Variants in RYR2 observed in about 807,000 individuals in gnomAD.
RYR2 encodes ryanodine receptor 2.
In RYR2, 227 loss-of-function variants were observed where a neutral mutation model predicts 601.1. The observed-to-expected ratio is 0.38, with a 90% CI of 0.34 to 0.42. RYR2 has a LOEUF of 0.42. RYR2 is among the 10% of genes least tolerant of loss of function. The pLI, the probability that RYR2 is intolerant of heterozygous loss-of-function variation, is 1.00. For missense variants in RYR2, 4,646 were observed against 6,156.5 expected (o/e 0.75, Z 8.21); for synonymous variants, 2,223 against 2,175.1 (o/e 1.02, Z -0.61).
intron 1 of RYR2, among the ~76,000 whole-genome samples, chr1:237,127,536 G>C (rs1287695798): frequency 1.3e-5 from 2 of 151,448 alleles, no homozygotes; most frequent in Non-Finnish European, 3.0e-5. Context: ...CTCCCTCCCG[G>C]ACGGGGCGGC....
chr1:237,452,090 T>A (rs1658225693), intron 14 of RYR2, among the ~76,000 whole-genome samples: 1 of 106,536 alleles, frequency 9.4e-6, no homozygotes, highest in Admixed American at 1.1e-4. Context: ...TGTGTGTGTG[T>A]GTGTGTGTGT....
intron 10 of RYR2, among the ~76,000 whole-genome samples, chr1:237,413,506 A>T (rs1704639245): frequency 6.6e-6 from 1 of 152,186 alleles, no homozygotes; most frequent in Non-Finnish European, 1.5e-5. Flanking sequence ...TTACAAAGAT[A>T]TATTATTCAT....
At chr1:237,328,300 T>C (rs572811903) in intron 2 of RYR2, among the ~76,000 whole-genome samples, 113 of 152,332 alleles carry the variant, frequency 7.4e-4, no homozygotes, top group Non-Finnish European at 1.4e-3. Context: ...TTTGTCTTGA[T>C]CTCAAGAGGA....
chr1:237,311,470 T>C (rs1558602020), intron 2 of RYR2, among the ~76,000 whole-genome samples: 1 of 150,930 alleles, frequency 6.6e-6, no homozygotes, highest in Non-Finnish European at 1.5e-5. Flanking sequence ...TGCAATGACC[T>C]GAGAAAAAAT....
intron 99 of RYR2, 101 bp downstream of exon 99, chr1:237,806,384 A>G (rs1197941005): frequency 8.1e-7 from 1 of 1,236,996 alleles, no homozygotes; most frequent in Non-Finnish European, 1.1e-6. Context: ...TACAGTTTTA[A>G]AGATTTTTTT....
Position 237,305,845 on chromosome 1 carries a change from T to G in RYR2, c.169-25033T>G, listed in dbSNP as rs548130972. 1.2e-3 allele frequency among the ~76,000 whole-genome samples: 186 copies of G among 152,336 alleles called. 2 individuals carry two copies. The highest frequency in any genetic ancestry group is 4.3e-3 in the African/African-American group (177 of 41,584). On this transcript the variant is annotated intron_variant, in intron 2 of 104. Coordinates refer to ENST00000366574, the MANE Select transcript of RYR2 (RefSeq NM_001035.3). ...GAAAGCTCCAAAATTACTCATAATATTGTATTCTTCAACCTGGTTGATGGA... is the reference window on the plus strand; with the variant it reads ...GAAAGCTCCAAAATTACTCATAATAGTGTATTCTTCAACCTGGTTGATGGA...
At chr1:237,409,842 G>A (rs573116654) in intron 10 of RYR2, among the ~76,000 whole-genome samples, 2 of 152,190 alleles carry the variant, frequency 1.3e-5, no homozygotes, top group Admixed American at 6.5e-5. Flanking sequence ...AATCTTCAGA[G>A]CCTGGTAAAC....
chr1:237,181,982 C>G (rs1242342359), intron 1 of RYR2, among the ~76,000 whole-genome samples: 2 of 152,108 alleles, frequency 1.3e-5, no homozygotes, highest in Non-Finnish European at 2.9e-5. Flanking sequence ...TGGTTGGAGG[C>G]AGCTGTGGTG....
chr1:237,219,079 C>G (rs2149129708), intron 1 of RYR2, among the ~76,000 whole-genome samples: 1 of 144,504 alleles, frequency 6.9e-6, no homozygotes, highest in Admixed American at 7.3e-5. Flanking sequence ...GTGGTGCAAT[C>G]TCGGCTCACC....
rs780643623 is a variant in RYR2 at position 237,660,919 on chromosome 1, G to A, written c.8408G>A (p.Arg2803Gln). 28 of 1,465,738 alleles carry A rather than the reference G, an allele frequency of 1.9e-5. No individual in the cohort carries two copies. The highest frequency in any genetic ancestry group is 9.3e-5 in the South Asian group (6 of 64,684). The allele number at this position is 1,465,738 out of a possible 1,614,324, so 90.8% of individuals were successfully genotyped here. A position where few individuals can be genotyped will look rare whatever the true frequency, so the allele number is the denominator to read the frequency against. The change falls in exon 56 of 105, where the codon CGG becomes CAG. Residue 2803 changes from arginine (R) to glutamine (Q), a missense_variant. Coordinates refer to ENST00000366574, the MANE Select transcript of RYR2 (RefSeq NM_001035.3). Reference protein sequence around the residue: ...REGDSMALYNRTRRISQTSQV... With the variant: ...REGDSMALYNQTRRISQTSQV... ...GGAGACAGCATGGCCCTTTACAACC[G>A]GACTCGTCGTATTTCTCAGACAAGC...
chr1:237,629,775 T>C (rs960444846), intron 41 of RYR2, among the ~76,000 whole-genome samples: 1 of 152,182 alleles, frequency 6.6e-6, no homozygotes, highest in African/African-American at 2.4e-5. Flanking sequence ...TTCATATCAT[T>C]TCTATACATT....
chr1:237,152,496 C>T (rs1674833725), intron 1 of RYR2, among the ~76,000 whole-genome samples: 1 of 152,202 alleles, frequency 6.6e-6, no homozygotes, highest in Non-Finnish European at 1.5e-5. Context: ...CTTATTTCTT[C>T]ACAGCCTTGC....
intron 12 of RYR2, among the ~76,000 whole-genome samples, chr1:237,433,456 T>C (rs1324403015): frequency 3.9e-5 from 6 of 152,100 alleles, no homozygotes. Context: ...ATTGAACTTA[T>C]AATTATTGAA....
chr1:237,476,821 G>A (rs1389828758), intron 17 of RYR2, among the ~76,000 whole-genome samples: 1 of 152,186 alleles, frequency 6.6e-6, no homozygotes, highest in Non-Finnish European at 1.5e-5. Context: ...TATTGTCTGA[G>A]ATCCATTATT....
At chr1:237,387,981 A>G in intron 9 of RYR2, 106 bp from the exon 10 acceptor site, 1 of 1,044,798 alleles carries the variant, frequency 9.6e-7, no homozygotes, top group Non-Finnish European at 1.4e-6. Flanking sequence ...AAGACTCACT[A>G]GACTTCAGTT....
chr1:237,792,018 C>T, intron 93 of RYR2, 87 bp from the exon 94 acceptor site: 1 of 924,626 alleles, frequency 1.1e-6, no homozygotes, highest in Non-Finnish European at 1.7e-6. Context: ...CAACTATTTG[C>T]TGAAAAGGCT....
chr1:237,660,105 A>T, intron 55 of RYR2, 31 bp downstream of exon 55: 1 of 1,284,772 alleles, frequency 7.8e-7, no homozygotes, highest in African/African-American at 1.5e-5. Flanking sequence ...TTAGTTTGTA[A>T]AGTTTTTATT....
intron 17 of RYR2, among the ~76,000 whole-genome samples, chr1:237,476,233 G>A (rs554570570): frequency 1.3e-5 from 2 of 152,144 alleles, no homozygotes; most frequent in Non-Finnish European, 2.9e-5. Context: ...TTTGAGGCTG[G>A]TCGTGGTGGC....
At chr1:237,281,745 T>C (rs994620503) in intron 2 of RYR2, among the ~76,000 whole-genome samples, 2 of 152,184 alleles carry the variant, frequency 1.3e-5, no homozygotes, top group African/African-American at 4.8e-5. Flanking sequence ...ACAAATACAA[T>C]GCTGAGGGCT....
Sources: allele counts gnomAD v4.1 joint callset (sites outside exome capture counted in the v4.1 genomes callset), GRCh38; gene constraint gnomAD v4.1.1; transcripts MANE v1.5; gene names NCBI Gene and HGNC (gene_info 2026-07-23, HGNC 2026-07-21).